The following CEP83 variants were observed in gnomAD, a reference collection of about 807,000 sequenced individuals.
CEP83 encodes the protein centrosomal protein of 83 kDa.
In CEP83, 70 loss-of-function variants were observed where a neutral mutation model predicts 101.9. The ratio of observed to expected loss-of-function variants is 0.69; its 90% CI spans 0.57 to 0.84. CEP83 has a LOEUF of 0.84. CEP83 is among the 40% of genes least tolerant of loss of function. CEP83 has a pLI of 0.00. For synonymous variants in CEP83, 264 were observed against 267.9 expected (o/e 0.99, Z 0.14); for missense variants, 715 against 787.2 (o/e 0.91, Z 1.10).
chr12:94,434,652 G>A (rs1423556641), intron 2 of CEP83, among the ~76,000 whole-genome samples: 1 of 152,240 alleles, frequency 6.6e-6, no homozygotes, highest in African/African-American at 2.4e-5. Context: ...CCTGGGACCA[G>A]AAGGATTTCA....
chr12:94,443,844 A>G (rs184641748), intron 1 of CEP83, among the ~76,000 whole-genome samples: 8 of 152,312 alleles, frequency 5.3e-5, no homozygotes, highest in African/African-American at 1.7e-4. Context: ...CTTTATAACT[A>G]TATAAACTAC....
chr12:94,292,645 T>G, the CEP83 span, among the ~76,000 whole-genome samples: 1 of 152,230 alleles, frequency 6.6e-6, no homozygotes, highest in Non-Finnish European at 1.5e-5. Context: ...ACAGGACCCA[T>G]GTTTAAACAC....
chr12:94,331,167 T>C (rs1461104933), intron 14 of CEP83, among the ~76,000 whole-genome samples: 2 of 151,480 alleles, frequency 1.3e-5, no homozygotes, highest in African/African-American at 4.9e-5. Flanking sequence ...GGCATGTGCC[T>C]ATAATTCCAG....
chr12:94,424,214 T>C, intron 2 of CEP83: 2 of 1,611,220 alleles, frequency 1.2e-6, no homozygotes, highest in South Asian at 1.1e-5. Flanking sequence ...TGTGGTGGGG[T>C]CATAGGTCAA....
rs1447532594 is a variant in CEP83, at chr12:94,307,808, T to G, written c.*1005A>C. 8 of 152,204 alleles carry G rather than the reference T, an allele frequency of 5.3e-5. No individual in the cohort carries two copies. The highest frequency in any genetic ancestry group is 6.5e-5 in the Admixed American group (1 of 15,270). The allele number at this position is 152,204 out of a possible 1,614,324, so 9.4% of individuals were successfully genotyped here. ...ATAAGCAGCTATATTATGTAGTAAGTAAACCTAGTTTGCTAAATGGTGCTA... is the reference window on the plus strand; with the variant it reads ...ATAAGCAGCTATATTATGTAGTAAGGAAACCTAGTTTGCTAAATGGTGCTA... On this transcript the variant is annotated 3_prime_UTR_variant, in exon 17 of 17. Coordinates refer to ENST00000397809, the MANE Select transcript of CEP83 (RefSeq NM_016122.3).
chr12:94,417,703 G>C (rs900372453), intron 2 of CEP83, among the ~76,000 whole-genome samples: 6 of 151,604 alleles, frequency 4.0e-5, no homozygotes, highest in Non-Finnish European at 7.4e-5. Context: ...GCAGGAGAAC[G>C]CTTGAACCCA....
chr12:94,277,299 G>A, the CEP83 span: 4 of 152,818 alleles, frequency 2.6e-5, no homozygotes, highest in African/African-American at 7.2e-5. Flanking sequence ...CCCTCCAAAG[G>A]CCCCACCTCC....
At chr12:94,284,790 C>T in the CEP83 span, among the ~76,000 whole-genome samples, 1 of 152,062 alleles carries the variant, frequency 6.6e-6, no homozygotes, top group African/African-American at 2.4e-5. Context: ...AGATGCAGAT[C>T]ACACAGATGG....
intron 14 of CEP83, among the ~76,000 whole-genome samples, chr12:94,321,675 T>C (rs2058750359): frequency 1.3e-5 from 2 of 151,816 alleles, no homozygotes; most frequent in African/African-American, 4.8e-5. Flanking sequence ...TGGGCATCCG[T>C]ACCAGCCCCT....
chr12:94,336,243 A>C (rs942116338), intron 11 of CEP83, among the ~76,000 whole-genome samples: 5 of 152,194 alleles, frequency 3.3e-5, no homozygotes, highest in African/African-American at 1.2e-4. Context: ...CAGACTCTTC[A>C]AAGGGAATAA....
chr12:94,370,804 C>A (rs919402512), intron 8 of CEP83, among the ~76,000 whole-genome samples: 1 of 152,040 alleles, frequency 6.6e-6, no homozygotes, highest in African/African-American at 2.4e-5. Context: ...GCCTGGGCAA[C>A]ATAGTGAGAT....
chr12:94,415,803 A>G (rs2064223530), intron 2 of CEP83, among the ~76,000 whole-genome samples: 1 of 152,208 alleles, frequency 6.6e-6, no homozygotes, highest in South Asian at 2.1e-4. Context: ...ATTTAAAAAA[A>G]TAATCAGTAA....
the CEP83 span, among the ~76,000 whole-genome samples, chr12:94,284,262 A>T: frequency 6.6e-6 from 1 of 152,152 alleles, no homozygotes; most frequent in African/African-American, 2.4e-5. Flanking sequence ...TGTTAGTCCT[A>T]TGAAGGCAAT....
At chr12:94,425,350 T>C (rs2065114725) in intron 2 of CEP83, among the ~76,000 whole-genome samples, 2 of 152,292 alleles carry the variant, frequency 1.3e-5, no homozygotes, top group Admixed American at 1.3e-4. Context: ...GATCAAGCTC[T>C]GGCATCATCC....
intron 11 of CEP83, among the ~76,000 whole-genome samples, chr12:94,354,990 G>C (rs1043465028): frequency 1.3e-5 from 2 of 150,934 alleles, no homozygotes; most frequent in African/African-American, 4.9e-5. Flanking sequence ...TACAGAGTGA[G>C]ACTCCGTCTC....
chr12:94,331,451 C>G lies in CEP83; in HGVS notation c.1707+249G>C, dbSNP rs186772386. Among the ~76,000 whole-genome samples, 116 of 129,438 alleles carry G rather than the reference C, an allele frequency of 9.0e-4. 1 individual carries two copies. The East Asian group carries it at 0.028, about 32-fold the overall frequency. 84.9% of individuals were successfully genotyped at this position (129,438 alleles called of 152,430 possible). The stretch of plus-strand genomic sequence containing the variant: ...GCACGATCTCGGCTCACTATAAGCT[C>G]TGCCTCCCGGGTTCATGCCATTCTC... On this transcript the variant is annotated intron_variant, in intron 14 of 16. Transcript: ENST00000397809.
chr12:94,298,556 T>C, the CEP83 span: 3 of 1,162,582 alleles, frequency 2.6e-6, no homozygotes, highest in East Asian at 7.3e-5. Flanking sequence ...GAATGTGGAT[T>C]TGCTTTTGCT....
the CEP83 span, among the ~76,000 whole-genome samples, chr12:94,299,219 C>T: frequency 6.6e-5 from 10 of 152,290 alleles, no homozygotes; most frequent in East Asian, 1.9e-3. Context: ...TTATCAAGTG[C>T]AGTACTCAGA....
At chr12:94,409,646 G>A (rs548408621) in intron 4 of CEP83, among the ~76,000 whole-genome samples, 7 of 152,252 alleles carry the variant, frequency 4.6e-5, no homozygotes, top group South Asian at 4.2e-4. Flanking sequence ...CAGAAACGAC[G>A]CAGCTTTAAA....
Sources: allele counts gnomAD v4.1 joint callset (sites outside exome capture counted in the v4.1 genomes callset), GRCh38; gene constraint gnomAD v4.1.1; transcripts MANE v1.5; gene names NCBI Gene and HGNC (gene_info 2026-07-23, HGNC 2026-07-21).